Variants in SESTD1 observed in about 807,000 individuals in gnomAD.
SESTD1 encodes the protein SEC14 domain and spectrin repeat-containing protein 1.
A neutral mutation model predicts 101.7 loss-of-function variants in SESTD1; 43 were observed. The ratio of observed to expected loss-of-function variants is 0.42; its 90% CI spans 0.33 to 0.55. The LOEUF (loss-of-function observed/expected upper bound fraction) is 0.55. Ranked by LOEUF, SESTD1 falls within the 20% of genes least tolerant of loss-of-function variation. The pLI is 0.07. For missense variants in SESTD1, 647 were observed against 815.1 expected, an observed-to-expected ratio of 0.79 and a Z score of 2.51; for synonymous variants, 283 against 286.8, an observed-to-expected ratio of 0.99 and a Z score of 0.13.
At chr2:179,159,397 G>A (rs961447399) in intron 5 of SESTD1, among the ~76,000 whole-genome samples, 5 of 152,120 alleles carry the variant, frequency 3.3e-5, no homozygotes, top group Non-Finnish European at 5.9e-5. Context: ...ATCACAGAAG[G>A]GTGTGATTTC....
At chr2:179,174,238 G>C (rs539963622) in intron 4 of SESTD1, among the ~76,000 whole-genome samples, 1 of 152,100 alleles carries the variant, frequency 6.6e-6, no homozygotes, top group African/African-American at 2.4e-5. Flanking sequence ...CAGTACCTTC[G>C]GAGATGAAAG....
At chr2:179,259,413 A>G (rs1814124) in intron 1 of SESTD1, among the ~76,000 whole-genome samples, 14,009 of 152,086 alleles carry the variant, frequency 0.092, 2,102 homozygotes, top group African/African-American at 0.32. Flanking sequence ...TATTTTTAGT[A>G]GAGACGGGGT....
At chr2:179,196,499 G>A (rs927338541) in intron 1 of SESTD1, among the ~76,000 whole-genome samples, 1 of 152,230 alleles carries the variant, frequency 6.6e-6, no homozygotes, top group African/African-American at 2.4e-5. Flanking sequence ...CCACATCTTG[G>A]GGGCAGAGCA....
At chr2:179,200,533 T>C (rs1346324156) in intron 1 of SESTD1, among the ~76,000 whole-genome samples, 1 of 152,070 alleles carries the variant, frequency 6.6e-6, no homozygotes, top group East Asian at 1.9e-4. Flanking sequence ...ACTACAAGGC[T>C]ACAGTAACCA....
chr2:179,212,807 C>T (rs1448765546), intron 1 of SESTD1, among the ~76,000 whole-genome samples: 1 of 134,952 alleles, frequency 7.4e-6, no homozygotes. Flanking sequence ...GATCAGGCAG[C>T]AATATTTGCT....
intron 10 of SESTD1, among the ~76,000 whole-genome samples, chr2:179,125,410 C>T (rs933538829): frequency 1.3e-5 from 2 of 152,214 alleles, no homozygotes; most frequent in Non-Finnish European, 2.9e-5. Context: ...TTCTTTCCTT[C>T]CATCAGAATG....
At chr2:179,212,484 A>G (rs1246816273) in intron 1 of SESTD1, among the ~76,000 whole-genome samples, 1 of 135,804 alleles carries the variant, frequency 7.4e-6, no homozygotes, top group East Asian at 2.0e-4. Context: ...AGGTAAACAA[A>G]GCAGCTGGGA....
chr2:179,185,188 T>A (rs72951287), intron 2 of SESTD1, among the ~76,000 whole-genome samples: 14 of 151,846 alleles, frequency 9.2e-5, no homozygotes, highest in Non-Finnish European at 1.8e-4. Flanking sequence ...ATACCACTTC[T>A]ACTCATAAAA....
At position 179,234,569 on chromosome 2, in the gene SESTD1, G is replaced by A. The variant is rs2047038101; in HGVS notation, c.-26+29930C>T. Among the ~76,000 whole-genome samples the A allele has an allele frequency of 2.0e-5, 3 of 152,110 alleles. No homozygotes were observed. The East Asian group carries it at 5.8e-4, about 29-fold the overall frequency. ...GAGGCGGGTAGATCACTTGGGGTCA[G>A]GAGTTTGAGACCAGCCTGGCCAACA... On this transcript the variant is annotated intron_variant, in intron 1 of 17. Coordinates refer to ENST00000428443, the MANE Select transcript of SESTD1 (RefSeq NM_178123.5).
At chr2:179,200,096 T>C (rs1350172224) in intron 1 of SESTD1, among the ~76,000 whole-genome samples, 3 of 152,174 alleles carry the variant, frequency 2.0e-5, no homozygotes, top group East Asian at 1.9e-4. Context: ...ACAAAATGAA[T>C]GTACAAAAAT....
intron 1 of SESTD1, among the ~76,000 whole-genome samples, chr2:179,234,388 A>G (rs1054516330): frequency 1.3e-5 from 2 of 152,192 alleles, no homozygotes; most frequent in Admixed American, 6.5e-5. Context: ...TAACATTCAC[A>G]CTAAAAAGAA....
At chr2:179,116,566 A>G (rs779265843) in intron 15 of SESTD1, 102 bp downstream of exon 15, 2 of 1,577,688 alleles carry the variant, frequency 1.3e-6, no homozygotes, top group African/African-American at 2.7e-5. Context: ...TGGAATAACA[A>G]AACTAACCTT....
rs2046540593 is a variant in SESTD1 at position 179,202,984 on chromosome 2, T to G, written c.-25-11118A>C. On this transcript the variant is annotated intron_variant, in intron 1 of 17. Coordinates refer to ENST00000428443, the MANE Select transcript of SESTD1 (RefSeq NM_178123.5). ...CAGACAGCAGTTGGAAGATGAGACCTCCACCTCATTGCCAAAGATTTGTCA... is the reference window on the plus strand; with the variant it reads ...CAGACAGCAGTTGGAAGATGAGACCGCCACCTCATTGCCAAAGATTTGTCA... Among the ~76,000 whole-genome samples, 2 of 134,926 alleles carry G rather than the reference T, an allele frequency of 1.5e-5. 1 individual carries two copies. Among genetic ancestry groups the G allele is most frequent in the Non-Finnish European group, 3.2e-5 (2 of 62,722 alleles). 88.5% of individuals were successfully genotyped at this position (134,926 alleles called of 152,430 possible).
In SESTD1 at chr2:179,155,652, C is replaced by T. The variant is rs1404688953; in HGVS notation, c.370-4261G>A. Reference sequence around the variant, plus strand: ...AAAACGTAAGGATGGTCTTTTTGCTCTTCAATTGCATCTTATTTAACGTAA... The same window carrying T: ...AAAACGTAAGGATGGTCTTTTTGCTTTTCAATTGCATCTTATTTAACGTAA... On this transcript the variant is annotated intron_variant, in intron 5 of 17. Transcript: ENST00000428443. Among the ~76,000 whole-genome samples the T allele has an allele frequency of 2.6e-5, 4 of 151,858 alleles. No homozygotes were observed. In the South Asian group the frequency reaches 8.3e-4, roughly 32 times the overall value.
chr2:179,151,468 T>C, intron 5 of SESTD1, 77 bp from the exon 6 acceptor site: 1 of 869,296 alleles, frequency 1.2e-6, no homozygotes, highest in Admixed American at 3.0e-5. Context: ...GAGGTAAAAT[T>C]AGGTTAAAAT....
intron 4 of SESTD1, among the ~76,000 whole-genome samples, chr2:179,175,572 A>AT (rs1392903339): frequency 6.6e-6 from 1 of 152,176 alleles, no homozygotes; most frequent in Non-Finnish European, 1.5e-5. Flanking sequence ...ATTATGAGCT[A>AT]TATGTAAGTC....
At chr2:179,206,423 T>C (rs1231137516) in intron 1 of SESTD1, among the ~76,000 whole-genome samples, 1 of 136,182 alleles carries the variant, frequency 7.3e-6, no homozygotes, top group Non-Finnish European at 1.6e-5. Flanking sequence ...AATTTAATCT[T>C]ACATAGAGCT....
At chr2:179,253,566 G>T (rs1471367661) in intron 1 of SESTD1, among the ~76,000 whole-genome samples, 1 of 152,150 alleles carries the variant, frequency 6.6e-6, no homozygotes, top group Non-Finnish European at 1.5e-5. Flanking sequence ...AGCTTTTAAT[G>T]TAATTTTCCA....
intron 1 of SESTD1, among the ~76,000 whole-genome samples, chr2:179,246,254 CAAAAAAAAAAAAAAA>C (rs60185738): frequency 1.4e-5 from 1 of 73,704 alleles, no homozygotes; most frequent in Non-Finnish European, 2.5e-5. Context: ...GACTCCATCT[CAAAAAAAAAAAAAAA>C]AAAAAAAAAT....
Sources: allele counts gnomAD v4.1 joint callset (sites outside exome capture counted in the v4.1 genomes callset), GRCh38; gene constraint gnomAD v4.1.1; transcripts MANE v1.5; gene names NCBI Gene and HGNC (gene_info 2026-07-23, HGNC 2026-07-21).